The following CNBD1 variants were observed in gnomAD, a reference collection of about 807,000 sequenced individuals.
The protein encoded by CNBD1 is cyclic nucleotide-binding domain-containing protein 1.
Under a neutral mutation model 54.4 loss-of-function variants are expected in CNBD1, and 71 were observed. That is an observed-to-expected ratio of 1.30 (90% CI 1.08 to 1.59). The LOEUF is 1.59. Ranked by LOEUF, CNBD1 falls within the 40% of genes most tolerant of loss-of-function variation. The probability of loss-of-function intolerance (pLI) is 0.00; values close to 1 mark genes in which losing one functional copy is unlikely to be tolerated. For missense variants in CNBD1, 659 were observed against 518.0 expected (o/e 1.27, Z -2.64); for synonymous variants, 182 against 170.7 (o/e 1.07, Z -0.51).
intron 4 of CNBD1, among the ~76,000 whole-genome samples, chr8:86,981,890 T>A (rs1342817494): frequency 6.6e-6 from 1 of 152,194 alleles, no homozygotes; most frequent in East Asian, 1.9e-4. Flanking sequence ...TATGTGGACA[T>A]CTGTTGTCTG....
At position 87,197,732 on chromosome 8, in the gene CNBD1, A is replaced by G. The variant is rs117341718; in HGVS notation, c.432-8261A>G. Among the ~76,000 whole-genome samples, 335 of 152,352 alleles carry G rather than the reference A, an allele frequency of 2.2e-3. 6 individuals carry two copies. In the East Asian group the frequency reaches 0.056, roughly 25 times the overall value. On this transcript the variant is annotated intron_variant, in intron 4 of 10. Transcript: ENST00000518476. ...TTTTTATTTTTGAGTTAGAATATGT[A>G]AATTACAAGCCCATTCATTCATCAA...
At chr8:86,967,975 G>C (rs1030778121) in intron 4 of CNBD1, among the ~76,000 whole-genome samples, 8 of 151,896 alleles carry the variant, frequency 5.3e-5, no homozygotes, top group South Asian at 2.1e-4. Context: ...TTATAGCCCT[G>C]TGATTAAGTC....
chr8:86,912,810 AT>A (rs1161726691), intron 3 of CNBD1, among the ~76,000 whole-genome samples: 5 of 152,260 alleles, frequency 3.3e-5, no homozygotes, highest in Admixed American at 6.5e-5. Context: ...TGTGTGTGTT[AT>A]TGTCCCTGAA....
chr8:86,990,062 T>C (rs1808709831), intron 4 of CNBD1, among the ~76,000 whole-genome samples: 1 of 152,204 alleles, frequency 6.6e-6, no homozygotes, highest in African/African-American at 2.4e-5. Context: ...TTCTTTGCTA[T>C]AGAATTGTTC....
chr8:87,206,294 A>C (rs1813974734), intron 5 of CNBD1, among the ~76,000 whole-genome samples, 156 bp downstream of exon 5: 1 of 152,220 alleles, frequency 6.6e-6, no homozygotes, highest in Non-Finnish European at 1.5e-5. Flanking sequence ...GTTTATAAGT[A>C]GTGAAATGAA....
intron 4 of CNBD1, among the ~76,000 whole-genome samples, chr8:87,176,129 C>G (rs1207988689): frequency 6.6e-6 from 1 of 152,186 alleles, no homozygotes. Context: ...TCAAGACTGT[C>G]TTTTCTACCC....
At chr8:87,252,832 G>A (rs968863208) in intron 6 of CNBD1, among the ~76,000 whole-genome samples, 2 of 152,110 alleles carry the variant, frequency 1.3e-5, no homozygotes, top group African/African-American at 4.8e-5. Flanking sequence ...GGATGTCAGG[G>A]GTGGGATGAG....
At chr8:87,047,723 G>A (rs1459902093) in intron 4 of CNBD1, among the ~76,000 whole-genome samples, 6 of 152,138 alleles carry the variant, frequency 3.9e-5, no homozygotes, top group Non-Finnish European at 8.8e-5. Context: ...TTCCATCTGA[G>A]TTTCTATTTG....
chr8:86,898,161 C>T (rs117401379), intron 2 of CNBD1, among the ~76,000 whole-genome samples: 2,431 of 152,018 alleles, frequency 0.016, 23 homozygotes, highest in Non-Finnish European at 0.024. Flanking sequence ...AGACCACACA[C>T]GTAAACATAA....
intron 10 of CNBD1, among the ~76,000 whole-genome samples, chr8:87,361,332 C>T (rs1442982969): frequency 6.6e-6 from 1 of 151,478 alleles, no homozygotes; most frequent in Admixed American, 6.6e-5. Flanking sequence ...TGACAAAATG[C>T]TAATATCTTT....
In CNBD1 at chr8:87,269,370, G is replaced by A. The variant is rs566803787; in HGVS notation, c.772-15308G>A. 1.9e-4 allele frequency among the ~76,000 whole-genome samples: 29 copies of A among 152,076 alleles called. No individual in the cohort carries two copies. The South Asian group carries it at 5.6e-3, about 29-fold the overall frequency. ...TAGATAATGTGATGCCTCCAGCTTC[G>A]TTCTTTTTGCTTAAAATTTGTTTGG... On this transcript the variant is annotated intron_variant, in intron 6 of 10. Transcript: ENST00000518476.
chr8:86,988,011 TATA>T (rs1482712008), intron 4 of CNBD1, among the ~76,000 whole-genome samples: 2 of 152,158 alleles, frequency 1.3e-5, no homozygotes, highest in Admixed American at 1.3e-4. Context: ...GCTAGCTTAA[TATA>T]ATGAGCAGGA....
intron 4 of CNBD1, among the ~76,000 whole-genome samples, chr8:87,128,728 G>A (rs1812051766): frequency 6.6e-6 from 1 of 151,674 alleles, no homozygotes; most frequent in African/African-American, 2.4e-5. Flanking sequence ...ACCCCACCTG[G>A]TCACAGTATA....
At chr8:87,256,012 TATA>T (rs1357566468) in intron 6 of CNBD1, among the ~76,000 whole-genome samples, 17 of 19,816 alleles carry the variant, frequency 8.6e-4, no homozygotes, top group African/African-American at 3.2e-3. Flanking sequence ...TATATATATA[TATA>T]TTTTTTTTTT....
In CNBD1 at chr8:87,377,602, G is replaced by A. The variant is rs372906899; in HGVS notation, c.1304-5018G>A. ...AGTCTTTGCTATCGTGAATAATGCC[G>A]CAATAAACATACGTGTGCATGTGTC... On this transcript the variant is annotated intron_variant, in intron 10 of 10. Coordinates refer to ENST00000518476, the MANE Select transcript of CNBD1 (RefSeq NM_173538.3). Among the ~76,000 whole-genome samples the A allele has an allele frequency of 9.0e-3, 1,352 of 150,416 alleles. 13 individuals are homozygous for A. The highest frequency in any genetic ancestry group is 0.027 in the African/African-American group (1,084 of 40,304).
At chr8:86,899,954 A>G (rs1301424121) in intron 2 of CNBD1, among the ~76,000 whole-genome samples, 1 of 151,986 alleles carries the variant, frequency 6.6e-6, no homozygotes, top group African/African-American at 2.4e-5. Context: ...TGCCTTCAGC[A>G]CACCCTACCC....
intron 8 of CNBD1, among the ~76,000 whole-genome samples, chr8:87,327,828 C>T (rs1392469844): frequency 6.6e-6 from 1 of 152,084 alleles, no homozygotes; most frequent in South Asian, 2.1e-4. Context: ...GGCTCCTCCC[C>T]CTTTTCTTAG....
chr8:87,274,139 A>G (rs1585975037), intron 6 of CNBD1, among the ~76,000 whole-genome samples: 1 of 151,864 alleles, frequency 6.6e-6, no homozygotes, highest in Non-Finnish European at 1.5e-5. Context: ...CATAGTGTAT[A>G]TGTGCCACAT....
chr8:87,310,051 A>G (rs1197459409), intron 8 of CNBD1, among the ~76,000 whole-genome samples: 1 of 152,094 alleles, frequency 6.6e-6, no homozygotes, highest in Non-Finnish European at 1.5e-5. Flanking sequence ...CAAGCTGAGA[A>G]CCAAATCAAG....
Sources: gnomAD v4.1 joint callset for allele counts (sites outside exome capture counted in the v4.1 genomes callset) on GRCh38, gnomAD v4.1.1 for gene constraint, MANE v1.5 for transcripts, NCBI Gene and HGNC (gene_info 2026-07-23, HGNC 2026-07-21) for gene names.